Variants in HEATR5B observed in about 807,000 individuals in gnomAD.
HEATR5B encodes HEAT repeat containing 5B, also known as HEAT repeat-containing protein 5B.
In HEATR5B, 156 loss-of-function variants were observed where a neutral mutation model predicts 224.1. That is an observed-to-expected ratio of 0.70 (90% CI 0.61 to 0.80). The LOEUF is 0.80. Among genes scored for constraint, HEATR5B ranks in the 30% least tolerant of loss-of-function variants. The pLI is 0.00. For synonymous variants in HEATR5B, 1,027 were observed against 893.0 expected, an observed-to-expected ratio of 1.15 and a Z score of -2.68; for missense variants, 2,323 against 2,535.5, an observed-to-expected ratio of 0.92 and a Z score of 1.80.
intron 26 of HEATR5B, among the ~76,000 whole-genome samples, chr2:37,017,883 C>T (rs537771249): frequency 9.9e-5 from 15 of 152,090 alleles, no homozygotes; most frequent in East Asian, 5.8e-4. Flanking sequence ...TATTTAAGTA[C>T]GCATTATGTT....
At chr2:37,035,629 T>C (rs1669430821) in intron 21 of HEATR5B, among the ~76,000 whole-genome samples, 2 of 152,150 alleles carry the variant, frequency 1.3e-5, no homozygotes, top group Non-Finnish European at 2.9e-5. Context: ...CAACACAACC[T>C]CTATTCCTTC....
At chr2:37,027,766 G>C (rs913819543) in intron 24 of HEATR5B, among the ~76,000 whole-genome samples, 157 bp downstream of exon 24, 1 of 152,144 alleles carries the variant, frequency 6.6e-6, no homozygotes, top group Non-Finnish European at 1.5e-5. Context: ...AGTATGCAGA[G>C]GGGACAGAAA....
rs1558368404 is a variant in HEATR5B, at chr2:37,065,893, T to C, written c.1195A>G (p.Thr399Ala). The C allele has an allele frequency of 1.9e-6, 3 of 1,610,858 alleles. No homozygotes were observed. The highest frequency in any genetic ancestry group is 2.2e-5 in the East Asian group (1 of 44,754). The change falls in exon 9 of 36, where the codon ACA becomes GCA. Residue 399 changes from threonine to alanine, a missense_variant. This residue lies in a region of HEATR5B where 502 missense variants were observed against 517.8 expected (regional missense o/e 0.97). Transcript: ENST00000233099. The stretch of plus-strand genomic sequence containing the variant: ...GCGCCAGATTTGTTTTCTCCACTTG[T>C]GTCATTCACTACTGCTTCTGGAAAC... ...MKAVEAVVND[T>A]SGENKSGAAD...
intron 12 of HEATR5B, among the ~76,000 whole-genome samples, chr2:37,059,890 C>A (rs1434128622): frequency 6.6e-6 from 1 of 152,068 alleles, no homozygotes; most frequent in Non-Finnish European, 1.5e-5. Flanking sequence ...GACTAAAACA[C>A]CTCCTAGATG....
chr2:37,045,005 C>A (rs1284002111), intron 18 of HEATR5B, among the ~76,000 whole-genome samples: 1 of 152,178 alleles, frequency 6.6e-6, no homozygotes, highest in Non-Finnish European at 1.5e-5. Context: ...ATTGTCTAAC[C>A]TTCTGTAAAT....
At chr2:37,062,461 T>C (rs1671343631) in intron 10 of HEATR5B, among the ~76,000 whole-genome samples, 1 of 152,114 alleles carries the variant, frequency 6.6e-6, no homozygotes, top group Non-Finnish European at 1.5e-5. Flanking sequence ...TCTCGTGTTA[T>C]TAGCATGTTT....
chr2:37,081,134 G>A (rs1267068477), intron 2 of HEATR5B, among the ~76,000 whole-genome samples: 3 of 152,146 alleles, frequency 2.0e-5, no homozygotes, highest in Non-Finnish European at 4.4e-5. Context: ...GACAAGTGCT[G>A]TTTCAGTGGA....
At chr2:36,984,215 A>AAAAAAAAAAAAAAATATATATATAT in intron 35 of HEATR5B, among the ~76,000 whole-genome samples, 4 of 77,640 alleles carry the variant, frequency 5.2e-5, no homozygotes, top group East Asian at 6.2e-4. Context: ...AAAAAAAAAA[A>AAAAAAAAAAAAAAATATATATATAT]ATATATATAT....
In HEATR5B at chr2:37,037,145, G is replaced by GATAGATATATAT. The variant is rs1669536224; in HGVS notation, c.3216+709_3216+710insATATATATCTAT. Among the ~76,000 whole-genome samples the GATAGATATATAT allele has an allele frequency of 2.2e-5, 2 of 89,140 alleles. 1 individual carries two copies. The highest frequency in any genetic ancestry group is 4.9e-5 in the Non-Finnish European group (2 of 40,478). The allele number at this position is 89,140 out of a possible 152,430, so 58.5% of individuals were successfully genotyped here. On this transcript the variant is annotated intron_variant, in intron 21 of 35. Transcript: ENST00000233099. The stretch of plus-strand genomic sequence containing the variant: ...TTCCGAGTAGGAAAACTAAAAATGT[G>GATAGATATATAT]ATATATATATATATTTTGGAGATGG...
intron 26 of HEATR5B, among the ~76,000 whole-genome samples, chr2:37,019,139 GAC>G (rs1268736981): frequency 1.3e-5 from 2 of 151,694 alleles, no homozygotes; most frequent in Non-Finnish European, 2.9e-5. Flanking sequence ...CAGCCTGGGT[GAC>G]AGAGTGAGAC....
chr2:37,053,621 A>T lies in HEATR5B; in HGVS notation c.2400-14T>A. On this transcript the variant is annotated splice_polypyrimidine_tract_variant and intron_variant, in intron 16 of 35. Coordinates refer to ENST00000233099, the MANE Select transcript of HEATR5B (RefSeq NM_019024.3). ...AACATTTGTAATCTATAACAATAAGAAAAAAAAATCACATTAGTGACAAAT... is the reference window on the plus strand; with the variant it reads ...AACATTTGTAATCTATAACAATAAGTAAAAAAAATCACATTAGTGACAAAT... The T allele has an allele frequency of 1.3e-6, 2 of 1,499,850 alleles. No individual in the cohort carries two copies. The highest frequency in any genetic ancestry group is 1.8e-6 in the Non-Finnish European group (2 of 1,092,140). The allele number at this position is 1,499,850 out of a possible 1,614,324, so 92.9% of individuals were successfully genotyped here.
At chr2:37,036,318 G>A (rs1037105208) in intron 21 of HEATR5B, among the ~76,000 whole-genome samples, 2 of 152,074 alleles carry the variant, frequency 1.3e-5, no homozygotes, top group African/African-American at 4.8e-5. Flanking sequence ...ATTTCCTCTA[G>A]GTCCCACCTC....
chr2:36,986,500 A>T (rs956041521), intron 35 of HEATR5B, among the ~76,000 whole-genome samples: 1 of 152,248 alleles, frequency 6.6e-6, no homozygotes, highest in Non-Finnish European at 1.5e-5. Flanking sequence ...AAAAATCTCC[A>T]CTACTTTTCC....
chr2:37,005,639 T>G lies in HEATR5B; in HGVS notation c.4898A>C (p.Glu1633Ala). The G allele has an allele frequency of 6.2e-7, 1 of 1,613,724 alleles. No individual in the cohort carries two copies. Among genetic ancestry groups the G allele is most frequent in the Non-Finnish European group, 8.5e-7 (1 of 1,179,692 alleles). Residue 1633 changes from glutamate to alanine, a missense_variant, in exon 30 of 36, where the codon GAA becomes GCA. This residue lies in a region of HEATR5B where 844 missense variants were observed against 812.9 expected (regional missense o/e 1.04). Transcript: ENST00000233099. Reference sequence around the variant, plus strand: ...CATAGCAATACACTGTACCTGATCTTCTGCAATATGGACTCGAGCATAAGG... The same window carrying G: ...CATAGCAATACACTGTACCTGATCTGCTGCAATATGGACTCGAGCATAAGG... The part of the protein sequence containing the change: ...DSPYARVHIA[E>A]DQLIGVELLS...
At chr2:37,021,968 C>A (rs1361753792) in intron 24 of HEATR5B, among the ~76,000 whole-genome samples, 2 of 151,638 alleles carry the variant, frequency 1.3e-5, no homozygotes, top group Admixed American at 1.3e-4. Context: ...GCTTACCCTT[C>A]GTTCCCTTTT....
rs575508895 is a variant in HEATR5B, at chr2:37,051,994, C to A, written c.2505+1508G>T. Among the ~76,000 whole-genome samples, 5 of 152,294 alleles carry A rather than the reference C, an allele frequency of 3.3e-5. No individual in the cohort carries two copies. The South Asian group carries it at 1.0e-3, about 32-fold the overall frequency. ...ACCTCAGGTGATCCCCCCGCCTCGG[C>A]CTCCCAAAGTGCTGGGATTACAGGC... On this transcript the variant is annotated intron_variant, in intron 17 of 35. Coordinates refer to ENST00000233099, the MANE Select transcript of HEATR5B (RefSeq NM_019024.3).
intron 17 of HEATR5B, among the ~76,000 whole-genome samples, chr2:37,050,896 C>G (rs1670499830): frequency 6.6e-6 from 1 of 150,908 alleles, no homozygotes; most frequent in Non-Finnish European, 1.5e-5. Context: ...AAAAAATTAG[C>G]TGGGTGTGGT....
In HEATR5B at chr2:37,028,297, A is replaced by C. The variant is rs1041064672; in HGVS notation, c.3602-123T>G. On this transcript the variant is annotated intron_variant, in intron 23 of 35. Transcript: ENST00000233099. ...ACTAAATTCTTACTTGCTGGAAAAC[A>C]GTAAAACTAGCAGAATTTTTTTTAA... The C allele has an allele frequency of 5.2e-5, 30 of 578,130 alleles. 1 individual carries two copies. The South Asian group carries it at 1.6e-3, about 31-fold the overall frequency. 35.8% of individuals were successfully genotyped at this position (578,130 alleles called of 1,614,324 possible).
At position 37,000,655 on chromosome 2, in the gene HEATR5B, C is replaced by G; in HGVS notation, c.5476G>C (p.Gly1826Arg). The change falls in exon 33 of 36, where the codon GGC becomes CGC. Residue 1826 changes from glycine to arginine, a missense_variant. Transcript: ENST00000233099. ...VTLSMAKTEA[G>R]VQKQWTALIR... is the part of the protein sequence containing the mutation. Reference sequence around the variant, plus strand: ...AGAGCTGTCCACTGTTTTTGAACGCCAGCCTCAGTTTTGGCCATTGAAAGT... The same window carrying G: ...AGAGCTGTCCACTGTTTTTGAACGCGAGCCTCAGTTTTGGCCATTGAAAGT... 1.2e-6 allele frequency: 2 copies of G among 1,614,188 alleles called. No homozygotes were observed. The highest frequency in any genetic ancestry group is 1.7e-6 in the Non-Finnish European group (2 of 1,180,036).
Sources: allele counts gnomAD v4.1 joint callset (sites outside exome capture counted in the v4.1 genomes callset), GRCh38; gene constraint gnomAD v4.1.1; regional missense constraint gnomAD v4.1.1; transcripts MANE v1.5; gene names NCBI Gene and HGNC (gene_info 2026-07-23, HGNC 2026-07-21).